The following PRELID3A variants were observed in gnomAD, a reference collection of about 807,000 sequenced individuals.
The protein encoded by PRELID3A is PRELI domain containing 3A.
In PRELID3A, 27 loss-of-function variants were observed where a neutral mutation model predicts 23.0. The ratio of observed to expected loss-of-function variants is 1.17; its 90% confidence interval spans 0.87 to 1.62. PRELID3A has a LOEUF of 1.62. Among genes scored for constraint, PRELID3A ranks in the 40% most tolerant of loss-of-function variants. The pLI is 0.00. For synonymous variants in PRELID3A, 87 were observed against 86.4 expected (o/e 1.01, Z -0.04); for missense variants, 231 against 231.4 (o/e 1.00, Z 0.01).
chr18:12,427,470 G>T (rs2030418357), intron 5 of PRELID3A, 147 bp downstream of exon 5: 2 of 648,042 alleles, frequency 3.1e-6, no homozygotes, highest in South Asian at 3.9e-5. Context: ...GCCAACGCAG[G>T]TGGACCGCTT....
chr18:12,428,731 C>T (rs907538704), intron 5 of PRELID3A, among the ~76,000 whole-genome samples: 2 of 152,124 alleles, frequency 1.3e-5, no homozygotes, highest in East Asian at 3.9e-4. Context: ...GGAAGGAGAC[C>T]GGATCTCACC....
chr18:12,430,325 G>A (rs2030527518), intron 6 of PRELID3A, among the ~76,000 whole-genome samples: 1 of 151,460 alleles, frequency 6.6e-6, no homozygotes, highest in South Asian at 2.1e-4. Context: ...TGAGTGCGGT[G>A]TGTGGAGTGT....
intron 5 of PRELID3A, 50 bp from the exon 6 acceptor site, chr18:12,429,300 A>G: frequency 1.9e-6 from 3 of 1,538,770 alleles, no homozygotes; most frequent in Non-Finnish European, 2.7e-6. Flanking sequence ...TGCTGTCTGC[A>G]GCGGGAGGCG....
At chr18:12,425,747 C>T (rs925240409) in intron 3 of PRELID3A, among the ~76,000 whole-genome samples, 4 of 151,774 alleles carry the variant, frequency 2.6e-5, no homozygotes, top group African/African-American at 9.7e-5. Flanking sequence ...TGAGACCAGC[C>T]CGGGCAGCAT....
At chr18:12,424,402 AAAAAG>A (rs2030291274) in intron 3 of PRELID3A, among the ~76,000 whole-genome samples, 1 of 152,230 alleles carries the variant, frequency 6.6e-6, no homozygotes, top group Admixed American at 6.5e-5. Context: ...TTCTTGTATA[AAAAAG>A]AAAAGAACAA....
chr18:12,420,535 C>T (rs1245763059), intron 2 of PRELID3A, 42 bp downstream of exon 2: 1 of 1,464,610 alleles, frequency 6.8e-7, no homozygotes, highest in South Asian at 1.4e-5. Context: ...CGCCCGACTC[C>T]CCCACTCCCG....
chr18:12,421,682 C>A, intron 3 of PRELID3A, 53 bp downstream of exon 3: 1 of 1,199,708 alleles, frequency 8.3e-7, no homozygotes. Context: ...GGTGGTGGTG[C>A]GTAAGGCCTT....
At chr18:12,423,872 G>A (rs2030273721) in intron 3 of PRELID3A, among the ~76,000 whole-genome samples, 1 of 152,224 alleles carries the variant, frequency 6.6e-6, no homozygotes, top group African/African-American at 2.4e-5. Flanking sequence ...CCCAACCAGA[G>A]GGCCTCGGGA....
intron 5 of PRELID3A, among the ~76,000 whole-genome samples, chr18:12,429,134 G>A (rs1335755489): frequency 6.6e-6 from 1 of 152,180 alleles, no homozygotes; most frequent in Non-Finnish European, 1.5e-5. Flanking sequence ...GCGCTGGTTT[G>A]CTAACACAGC....
intron 3 of PRELID3A, among the ~76,000 whole-genome samples, chr18:12,422,791 C>G (rs936516752): frequency 2.0e-5 from 3 of 152,168 alleles, no homozygotes; most frequent in Non-Finnish European, 4.4e-5. Flanking sequence ...TTATTTATTT[C>G]AAAAAATAAT....
At chr18:12,413,845 A>G (rs888797385) in intron 1 of PRELID3A, among the ~76,000 whole-genome samples, 1 of 152,162 alleles carries the variant, frequency 6.6e-6, no homozygotes, top group South Asian at 2.1e-4. Flanking sequence ...TGGCCTCCCA[A>G]AGTGCTGGGA....
At chr18:12,426,945 C>A in intron 3 of PRELID3A, 96 bp from the exon 4 acceptor site, 1 of 830,378 alleles carries the variant, frequency 1.2e-6, no homozygotes. Context: ...TGTTCTGGCC[C>A]CACTAAGTGC....
chr18:12,419,167 CA>C (rs35420599), intron 1 of PRELID3A, among the ~76,000 whole-genome samples: 25,797 of 148,852 alleles, frequency 0.17, 2,566 homozygotes, highest in East Asian at 0.35. Flanking sequence ...ACTAAAGATA[CA>C]AAAAAAAATT....
intron 1 of PRELID3A, among the ~76,000 whole-genome samples, chr18:12,414,291 TGGCATTGTTTCCCAA>T (rs1489969021): frequency 6.6e-6 from 1 of 152,244 alleles, no homozygotes; most frequent in Non-Finnish European, 1.5e-5. Context: ...TAAGAGAAAC[TGGCATTGTTTCCCAA>T]GTGCACAGCA....
intron 3 of PRELID3A, among the ~76,000 whole-genome samples, chr18:12,424,274 A>G (rs1323945235): frequency 2.0e-5 from 3 of 152,232 alleles, no homozygotes. Context: ...TGCTCCAGTG[A>G]AGTCTGATGG....
chr18:12,416,032 C>T (rs2029939757), intron 1 of PRELID3A, among the ~76,000 whole-genome samples: 1 of 152,212 alleles, frequency 6.6e-6, no homozygotes, highest in Non-Finnish European at 1.5e-5. Flanking sequence ...AGGCAGTTCT[C>T]TGCTCCTCTT....
rs2030124525 is a variant in PRELID3A, at chr18:12,420,398, G to A, written c.106G>A (p.Val36Met). Residue 36 changes from valine to methionine, a missense_variant, in exon 2 of 7, where the codon GTG (valine) becomes ATG (methionine). By Grantham distance (21) the Val-to-Met change is conservative (BLOSUM62 1). Transcript: ENST00000440960. ...PNPMNPSVLG[V>M]DVLQRRVDGR... is the part of the protein sequence containing the mutation. ...CCCGATGAACCCGAGCGTGCTGGGC[G>A]TGGATGTGCTACAGCGCCGCGTGGA... The A allele has an allele frequency of 2.5e-6, 4 of 1,608,950 alleles. No homozygotes were observed. Among genetic ancestry groups the A allele is most frequent in the African/African-American group, 2.7e-5 (2 of 74,832 alleles).
chr18:12,426,702 G>C (rs1037874298), intron 3 of PRELID3A, among the ~76,000 whole-genome samples: 9 of 152,068 alleles, frequency 5.9e-5, no homozygotes, highest in African/African-American at 2.2e-4. Flanking sequence ...GGCTGCCATG[G>C]GTAGGTGAAA....
intron 1 of PRELID3A, chr18:12,419,811 C>A: frequency 6.6e-6 from 1 of 152,060 alleles, no homozygotes; most frequent in Non-Finnish European, 1.5e-5. Context: ...CGCCTGTAGC[C>A]CCAGCTGCTC....
Sources: allele counts gnomAD v4.1 joint callset (sites outside exome capture counted in the v4.1 genomes callset), GRCh38; gene constraint gnomAD v4.1.1; transcripts MANE v1.5; gene names NCBI Gene and HGNC (gene_info 2026-07-23, HGNC 2026-07-21).